RAPGEF4: variants seen among roughly 807,000 people sequenced by gnomAD.
The protein encoded by RAPGEF4 is RAP guanine-nucleotide-exchange factor (GEF) 4.
RAPGEF4 carries 66 observed loss-of-function variants against 147.9 expected under a neutral mutation model. That is an observed-to-expected ratio of 0.45 (90% CI 0.37 to 0.55). The LOEUF is 0.55. Among genes scored for constraint, RAPGEF4 ranks in the 20% least tolerant of loss-of-function variants. The pLI is 0.00. For missense variants in RAPGEF4, 1,071 were observed against 1,257.3 expected, an observed-to-expected ratio of 0.85 and a Z score of 2.24; for synonymous variants, 419 against 442.7, an observed-to-expected ratio of 0.95 and a Z score of 0.67.
chr2:172,787,815 T>C (rs1685374834), intron 1 of RAPGEF4, among the ~76,000 whole-genome samples: 1 of 152,032 alleles, frequency 6.6e-6, no homozygotes, highest in Non-Finnish European at 1.5e-5. Context: ...AAATGTAGTT[T>C]TGCCATATTG....
At chr2:173,014,424 A>G in intron 17 of RAPGEF4, 40 bp from the exon 18 acceptor site, 2 of 1,611,266 alleles carry the variant, frequency 1.2e-6, no homozygotes, top group Non-Finnish European at 1.7e-6. Context: ...ATGTGAAATG[A>G]GTGTGAAATG....
intron 4 of RAPGEF4, among the ~76,000 whole-genome samples, chr2:172,865,579 C>T (rs1044090642): frequency 1.1e-4 from 17 of 152,136 alleles, no homozygotes; most frequent in African/African-American, 3.6e-4. Flanking sequence ...GGTGGCAGTT[C>T]GTTTCTTCTT....
At chr2:172,869,065 T>C (rs1322352043) in intron 4 of RAPGEF4, among the ~76,000 whole-genome samples, 2 of 152,230 alleles carry the variant, frequency 1.3e-5, no homozygotes, top group African/African-American at 4.8e-5. Context: ...AACTAGAATT[T>C]GATCTGAAAA....
intron 1 of RAPGEF4, among the ~76,000 whole-genome samples, chr2:172,771,942 A>C (rs1157775478): frequency 1.3e-5 from 2 of 152,222 alleles, no homozygotes; most frequent in African/African-American, 4.8e-5. Context: ...TCCAGTAGAA[A>C]GTAATAACTG....
At chr2:172,991,670 A>C (rs1692851496) in intron 15 of RAPGEF4, among the ~76,000 whole-genome samples, 1 of 152,212 alleles carries the variant, frequency 6.6e-6, no homozygotes. Context: ...ATCTTAGTGT[A>C]ATAAAAACAC....
rs537793329 is a variant in RAPGEF4, at chr2:172,789,959, A to G, written c.66-5066A>G. ...ATATCTCTTCAAGATCCTGATTTCA[A>G]TTCTTTCAGATAAATACCCAGAAGT... On this transcript the variant is annotated intron_variant, in intron 1 of 30. Transcript: ENST00000397081. Among the ~76,000 whole-genome samples, 8 of 152,358 alleles carry G rather than the reference A, an allele frequency of 5.3e-5. No homozygotes were observed. In the South Asian group the frequency reaches 1.2e-3, roughly 24 times the overall value.
intron 27 of RAPGEF4, among the ~76,000 whole-genome samples, chr2:173,034,280 T>C (rs1466203151): frequency 6.6e-6 from 1 of 152,170 alleles, no homozygotes; most frequent in Admixed American, 6.5e-5. Context: ...GCCAAGATTA[T>C]TTTTCCCCGT....
rs376638116 is a variant in RAPGEF4, at chr2:172,914,488, C to T, written c.445-3314C>T. Among the ~76,000 whole-genome samples the T allele has an allele frequency of 2.0e-5, 3 of 151,654 alleles. No homozygotes were observed. The East Asian group carries it at 5.8e-4, about 29-fold the overall frequency. ...AACTGGTATTACAAGCCTGAGCCAC[C>T]ACGCCCTGCCGGAAATATGCATTTT... On this transcript the variant is annotated intron_variant, in intron 4 of 30. Transcript: ENST00000397081.
chr2:172,823,056 C>G (rs538491510), intron 4 of RAPGEF4, among the ~76,000 whole-genome samples: 1 of 152,180 alleles, frequency 6.6e-6, no homozygotes, highest in South Asian at 2.1e-4. Flanking sequence ...AAAAAATACT[C>G]TAAGAAAGAT....
rs550114690 is a variant in RAPGEF4, at chr2:173,002,235, A to G, written c.1658+891A>G. Among the ~76,000 whole-genome samples, 16 of 152,280 alleles carry G rather than the reference A, an allele frequency of 1.1e-4. No individual in the cohort carries two copies. In the South Asian group the frequency reaches 1.9e-3, roughly 18 times the overall value. On this transcript the variant is annotated intron_variant, in intron 17 of 30. Coordinates refer to ENST00000397081, the MANE Select transcript of RAPGEF4 (RefSeq NM_007023.4). ...TTTCTTTTCCCATTCATCCTCGTCT[A>G]TCCTCTCCTCTAGATACCAAAATTT...
intron 4 of RAPGEF4, among the ~76,000 whole-genome samples, chr2:172,872,120 AT>A (rs1215261576): frequency 2.0e-4 from 31 of 152,246 alleles, no homozygotes; most frequent in African/African-American, 5.8e-4. Flanking sequence ...CAGTTTCCAA[AT>A]TTGCTTTATT....
chr2:173,045,093 A>T (rs1026506135), intron 29 of RAPGEF4, among the ~76,000 whole-genome samples: 30 of 152,206 alleles, frequency 2.0e-4, no homozygotes, highest in Admixed American at 2.0e-3. Flanking sequence ...GCGAGCACCA[A>T]TGAATAAACA....
At chr2:172,855,292 C>T (rs1175760792) in intron 4 of RAPGEF4, among the ~76,000 whole-genome samples, 1 of 152,150 alleles carries the variant, frequency 6.6e-6, no homozygotes, top group African/African-American at 2.4e-5. Flanking sequence ...TGTACTGCTT[C>T]ATGTCAAATA....
chr2:172,851,343 G>A (rs1692800165), intron 4 of RAPGEF4, among the ~76,000 whole-genome samples: 1 of 152,134 alleles, frequency 6.6e-6, no homozygotes, highest in African/African-American at 2.4e-5. Flanking sequence ...GCTAAGCATT[G>A]TTTTATGGCC....
At chr2:172,880,541 T>C (rs757873186) in intron 4 of RAPGEF4, among the ~76,000 whole-genome samples, 2 of 151,988 alleles carry the variant, frequency 1.3e-5, no homozygotes, top group Non-Finnish European at 2.9e-5. Flanking sequence ...AACTGTCTTA[T>C]AAGTGAACTT....
At chr2:172,997,589 T>C (rs1163888444) in intron 16 of RAPGEF4, among the ~76,000 whole-genome samples, 1 of 152,198 alleles carries the variant, frequency 6.6e-6, no homozygotes, top group Non-Finnish European at 1.5e-5. Flanking sequence ...TATAAAATTG[T>C]GTTCCACTTT....
At chr2:172,842,055 T>A (rs1041217909) in intron 4 of RAPGEF4, among the ~76,000 whole-genome samples, 4 of 152,186 alleles carry the variant, frequency 2.6e-5, no homozygotes, top group Non-Finnish European at 5.9e-5. Flanking sequence ...GCTAGAAAAT[T>A]ATTCATCCAG....
At chr2:172,816,794 T>G (rs1452688559) in intron 4 of RAPGEF4, among the ~76,000 whole-genome samples, 1 of 152,152 alleles carries the variant, frequency 6.6e-6, no homozygotes. Flanking sequence ...GAGTGGATAG[T>G]TTTTAGTCTG....
intron 4 of RAPGEF4, among the ~76,000 whole-genome samples, chr2:172,877,385 G>A (rs1483966681): frequency 6.6e-6 from 1 of 152,106 alleles, no homozygotes; most frequent in African/African-American, 2.4e-5. Flanking sequence ...GGGACCAGGG[G>A]AGGGATAGCA....
Sources: allele counts gnomAD v4.1 joint callset (sites outside exome capture counted in the v4.1 genomes callset), GRCh38; gene constraint gnomAD v4.1.1; transcripts MANE v1.5; gene names NCBI Gene and HGNC (gene_info 2026-07-23, HGNC 2026-07-21).